CARMIL1: variants seen among roughly 807,000 people sequenced by gnomAD.
The protein encoded by CARMIL1 is capping protein regulator and myosin 1 linker 1, also known as F-actin-uncapping protein LRRC16A.
CARMIL1 carries 90 observed loss-of-function variants against 177.1 expected under a neutral mutation model. That is an observed-to-expected ratio of 0.51 (90% confidence interval 0.43 to 0.61). The LOEUF is 0.61. CARMIL1 is among the 20% of genes least tolerant of loss of function. The probability of loss-of-function intolerance (pLI) is 0.00; values close to 1 mark genes in which losing one functional copy is unlikely to be tolerated. For synonymous variants in CARMIL1, 577 were observed against 606.2 expected (o/e 0.95, Z 0.71); for missense variants, 1,380 against 1,667.0 (o/e 0.83, Z 3.00).
intron 12 of CARMIL1, among the ~76,000 whole-genome samples, chr6:25,483,394 T>C (rs1802307491): frequency 3.3e-5 from 5 of 152,170 alleles, no homozygotes; most frequent in Admixed American, 3.3e-4. Context: ...CCCAGATGCC[T>C]CATTTGTAAG....
intron 35 of CARMIL1, among the ~76,000 whole-genome samples, chr6:25,609,532 C>G (rs1030834856): frequency 2.0e-5 from 3 of 151,204 alleles, no homozygotes; most frequent in Non-Finnish European, 4.4e-5. Flanking sequence ...CGTTTTCAAT[C>G]TCTTCATTTG....
At chr6:25,519,334 G>A (rs1806317711) in intron 22 of CARMIL1, among the ~76,000 whole-genome samples, 3 of 152,220 alleles carry the variant, frequency 2.0e-5, no homozygotes, top group Admixed American at 6.5e-5. Flanking sequence ...GAAATGGACA[G>A]ATGCATTTTG....
intron 29 of CARMIL1, chr6:25,563,483 C>A: frequency 1.0e-6 from 1 of 985,298 alleles, no homozygotes; most frequent in Non-Finnish European, 1.2e-6. Flanking sequence ...ACTTGTTTAC[C>A]CAGGTGATGG....
At chr6:25,537,780 T>G (rs1808451380) in intron 24 of CARMIL1, 75 bp from the exon 25 acceptor site, 2 of 1,564,050 alleles carry the variant, frequency 1.3e-6, no homozygotes, top group Admixed American at 1.9e-5. Context: ...TTCATACTCC[T>G]TCGTTCTGTG....
chr6:25,550,952 C>T lies in CARMIL1; in HGVS notation c.2371C>T (p.Pro791Ser). 1.9e-6 allele frequency: 3 copies of T among 1,613,406 alleles called. No individual in the cohort carries two copies. The highest frequency in any genetic ancestry group is 2.5e-6 in the Non-Finnish European group (3 of 1,179,566). ...GGTTGATGCTGCTGAGAATCTTTGT[C>T]CCAATGTGATGAAAAAAGCCCACAT... ...SMVDAAENLC[P>S]NVMKKAHIRQ... Residue 791 changes from proline (P) to serine (S), a missense_variant, in exon 27 of 37, where the codon CCC (proline) becomes TCC (serine). By Grantham distance (74) the Pro-to-Ser change is moderately conservative. Transcript: ENST00000329474.
At chr6:25,572,937 T>A (rs1812236655) in intron 29 of CARMIL1, among the ~76,000 whole-genome samples, 1 of 152,204 alleles carries the variant, frequency 6.6e-6, no homozygotes, top group Non-Finnish European at 1.5e-5. Flanking sequence ...TATTTTCTTT[T>A]TGAACAAGTC....
intron 33 of CARMIL1, among the ~76,000 whole-genome samples, chr6:25,603,205 C>A (rs1815606060): frequency 6.6e-6 from 1 of 152,206 alleles, no homozygotes; most frequent in South Asian, 2.1e-4. Context: ...TGAAAGGGGA[C>A]TTCATGGATG....
At chr6:25,317,292 AG>A (rs1455996187) in intron 2 of CARMIL1, among the ~76,000 whole-genome samples, 10 of 151,936 alleles carry the variant, frequency 6.6e-5, no homozygotes, top group Non-Finnish European at 1.5e-4. Flanking sequence ...TACTGTGCTT[AG>A]CTAATGTATT....
chr6:25,319,560 A>G (rs1315992751), intron 2 of CARMIL1, among the ~76,000 whole-genome samples: 1 of 151,990 alleles, frequency 6.6e-6, no homozygotes, highest in Non-Finnish European at 1.5e-5. Context: ...ACAGAGAGTT[A>G]TATGTTTTTT....
At chr6:25,581,988 G>A (rs1813160752) in intron 31 of CARMIL1, among the ~76,000 whole-genome samples, 1 of 152,116 alleles carries the variant, frequency 6.6e-6, no homozygotes. Flanking sequence ...GTGTGCTGAT[G>A]AGCCTTAATG....
Position 25,550,997 on chromosome 6 carries a change from G to A in CARMIL1, c.2416G>A (p.Ala806Thr), listed in dbSNP as rs777521072. Reference sequence around the variant, plus strand: ...CCACATTCGACAAGACTTGATTCATGCCAGCACCGAAAAGATTTCTATTCC... The same window carrying A: ...CCACATTCGACAAGACTTGATTCATACCAGCACCGAAAAGATTTCTATTCC... The part of the protein sequence containing the change: ...KAHIRQDLIH[A>T]STEKISIPRT... Residue 806 changes from alanine to threonine, a missense_variant, in exon 27 of 37, where the codon GCC becomes ACC. Ala to Thr is a moderately conservative substitution (Grantham distance 58). Coordinates refer to ENST00000329474, the MANE Select transcript of CARMIL1 (RefSeq NM_017640.6). 3 of 1,613,488 alleles carry A rather than the reference G, an allele frequency of 1.9e-6. No individual in the cohort carries two copies. The highest frequency in any genetic ancestry group is 1.3e-5 in the African/African-American group (1 of 74,990).
intron 12 of CARMIL1, among the ~76,000 whole-genome samples, chr6:25,483,733 G>C (rs1211747658): frequency 6.6e-6 from 1 of 151,122 alleles, no homozygotes; most frequent in African/African-American, 2.4e-5. Context: ...ATCCGAGGTG[G>C]ATTGAAAAAA....
chr6:25,482,424 C>A, intron 12 of CARMIL1, 81 bp downstream of exon 12: 1 of 620,388 alleles, frequency 1.6e-6, no homozygotes, highest in Non-Finnish European at 2.7e-6. Context: ...TTATTTGTTA[C>A]ATTTAAAAAT....
chr6:25,332,336 G>A (rs1314519980), intron 2 of CARMIL1, among the ~76,000 whole-genome samples: 1 of 152,180 alleles, frequency 6.6e-6, no homozygotes, highest in Non-Finnish European at 1.5e-5. Context: ...AAGCTGTAGT[G>A]AATAAGATGG....
At chr6:25,459,273 T>TCTTTCTTTCTTTC (rs1390647134) in intron 8 of CARMIL1, among the ~76,000 whole-genome samples, 3 of 132,756 alleles carry the variant, frequency 2.3e-5, no homozygotes, top group Non-Finnish European at 4.7e-5. Flanking sequence ...TTTCTTTTTT[T>TCTTTCTTTCTTTC]TTTTTTTAAG....
intron 21 of CARMIL1, among the ~76,000 whole-genome samples, chr6:25,516,513 C>T (rs566677218): frequency 4.6e-5 from 7 of 152,224 alleles, no homozygotes; most frequent in South Asian, 4.1e-4. Context: ...TTCTATTCTC[C>T]GGCATAAAAG....
At chr6:25,330,688 T>TAAA (rs145205834) in intron 2 of CARMIL1, among the ~76,000 whole-genome samples, 23 of 142,578 alleles carry the variant, frequency 1.6e-4, no homozygotes, top group African/African-American at 5.8e-4. Context: ...CCATCTCTAT[T>TAAA]AAAAAAAAAA....
chr6:25,449,973 C>G lies in CARMIL1; in HGVS notation c.447C>G (p.Thr149=). The change falls in exon 6 of 37, where the codon ACC becomes ACG. Residue 149 remains threonine, a synonymous_variant. Coordinates refer to ENST00000329474, the MANE Select transcript of CARMIL1 (RefSeq NM_017640.6). ...ASLQALWDSQ[T]VAEQGPCGGF... is the part of the protein sequence containing the mutation. ...TCCAGGCGCTGTGGGACAGCCAGAC[C>G]GTGGCTGAGCAGGGCCCCTGTGGTG... 6.2e-7 allele frequency: 1 copy of G among 1,610,584 alleles called. No homozygotes were observed. Among genetic ancestry groups the G allele is most frequent in the Non-Finnish European group, 8.5e-7 (1 of 1,178,080 alleles).
intron 3 of CARMIL1, among the ~76,000 whole-genome samples, chr6:25,422,163 G>A (rs1356897097): frequency 6.6e-6 from 1 of 152,106 alleles, no homozygotes; most frequent in Non-Finnish European, 1.5e-5. Context: ...GAGCTGAACT[G>A]CTTCCCCTAC....
Sources: allele counts gnomAD v4.1 joint callset (sites outside exome capture counted in the v4.1 genomes callset), GRCh38; gene constraint gnomAD v4.1.1; transcripts MANE v1.5; gene names NCBI Gene and HGNC (gene_info 2026-07-23, HGNC 2026-07-21).